The following THRB variants were observed in gnomAD, a reference collection of about 807,000 sequenced individuals.
THRB encodes thyroid hormone receptor beta, also known as nuclear receptor subfamily 1 group A member 2.
THRB carries 12 observed loss-of-function variants against 47.8 expected under a neutral mutation model. That is an observed-to-expected ratio of 0.25 (90% CI 0.16 to 0.41). The LOEUF (loss-of-function observed/expected upper bound fraction) is 0.41. Among genes scored for constraint, THRB ranks in the 10% least tolerant of loss-of-function variants. The probability of loss-of-function intolerance (pLI) is 1.00; values close to 1 mark genes in which losing one functional copy is unlikely to be tolerated. For synonymous variants in THRB, 218 were observed against 212.2 expected (o/e 1.03, Z -0.24); for missense variants, 348 against 589.2 (o/e 0.59, Z 4.24).
At chr3:24,260,642 G>A (rs749807214) in intron 3 of THRB, among the ~76,000 whole-genome samples, 1 of 152,066 alleles carries the variant, frequency 6.6e-6, no homozygotes, top group Non-Finnish European at 1.5e-5. Context: ...CGCACTAAAT[G>A]CTCTCAGGCA....
chr3:24,430,772 G>A (rs1195526156), intron 1 of THRB: 1 of 152,054 alleles, frequency 6.6e-6, no homozygotes, highest in East Asian at 1.9e-4. Flanking sequence ...CAATAATGGT[G>A]AGAAGAAGAG....
At chr3:24,423,855 G>C (rs1226151664) in intron 1 of THRB, among the ~76,000 whole-genome samples, 1 of 151,760 alleles carries the variant, frequency 6.6e-6, no homozygotes, top group Non-Finnish European at 1.5e-5. Context: ...CACCACAAAA[G>C]GTTCTCAGAG....
chr3:24,304,187 ACACT>A, intron 2 of THRB, among the ~76,000 whole-genome samples: 1 of 152,160 alleles, frequency 6.6e-6, no homozygotes. Flanking sequence ...CATATTCTAC[ACACT>A]CAATCTAATA....
At chr3:24,229,910 A>C (rs2048080107) in intron 3 of THRB, among the ~76,000 whole-genome samples, 1 of 152,212 alleles carries the variant, frequency 6.6e-6, no homozygotes, top group Admixed American at 6.5e-5. Context: ...CTGTGGGATC[A>C]GAGGAAGTAA....
Position 24,135,847 on chromosome 3 carries a change from A to ATATATATATATATATATT in THRB, c.739-2386_739-2385insAATATATATATATATATA, listed in dbSNP as rs371175625. 1.2e-3 allele frequency among the ~76,000 whole-genome samples: 154 copies of ATATATATATATATATATT among 130,948 alleles called. 1 individual carries two copies. The highest frequency in any genetic ancestry group is 4.2e-3 in the East Asian group (20 of 4,812). The allele number at this position is 130,948 out of a possible 152,430, so 85.9% of individuals were successfully genotyped here. On this transcript the variant is annotated intron_variant, in intron 8 of 10. Transcript: ENST00000646209. ...TATATATATATATATATATATATAT[A>ATATATATATATATATATT]ATACATAAATATATATTAATTACAT...
At chr3:24,442,920 C>T (rs897961981) in intron 1 of THRB, among the ~76,000 whole-genome samples, 1 of 152,026 alleles carries the variant, frequency 6.6e-6, no homozygotes, top group Non-Finnish European at 1.5e-5. Flanking sequence ...CGGTGGCTCA[C>T]GTCTATAATC....
intron 4 of THRB, among the ~76,000 whole-genome samples, chr3:24,206,243 A>G (rs2045336219): frequency 1.3e-5 from 2 of 152,224 alleles, no homozygotes; most frequent in Admixed American, 6.5e-5. Flanking sequence ...TTGACCACAT[A>G]GTTGGAAGTA....
chr3:24,297,850 T>A (rs1276879558), intron 2 of THRB, among the ~76,000 whole-genome samples: 1 of 152,218 alleles, frequency 6.6e-6, no homozygotes, highest in Non-Finnish European at 1.5e-5. Context: ...GCATTTTAAA[T>A]GCCTCAGGTG....
intron 1 of THRB, among the ~76,000 whole-genome samples, chr3:24,492,264 A>G (rs1488187115): frequency 6.6e-6 from 1 of 152,254 alleles, no homozygotes; most frequent in Non-Finnish European, 1.5e-5. Context: ...GTGCTCATGG[A>G]TTCGATATTC....
chr3:24,188,857 A>AT (rs1244601873), intron 5 of THRB, among the ~76,000 whole-genome samples: 2 of 126,258 alleles, frequency 1.6e-5, no homozygotes, highest in Non-Finnish European at 3.2e-5. Flanking sequence ...AGATCTCCTC[A>AT]AATATATATA....
In THRB at chr3:24,117,669, A is replaced by T. The variant is rs2030907774; in HGVS notation, c.*5215T>A. On this transcript the variant is annotated 3_prime_UTR_variant, in exon 11 of 11. Transcript: ENST00000646209. ...TGTTAAGTCTACATGAATGACAAAA[A>T]AAGGAGCTTCCTGAGAATACTGAGT... The T allele has an allele frequency of 6.6e-6, 1 of 152,256 alleles. No homozygotes were observed. The highest frequency in any genetic ancestry group is 2.1e-4 in the South Asian group (1 of 4,824). 9.4% of individuals were successfully genotyped at this position (152,256 alleles called of 1,614,324 possible). A position where few individuals can be genotyped will look rare whatever the true frequency, so the allele number is the denominator to read the frequency against.
intron 1 of THRB, among the ~76,000 whole-genome samples, chr3:24,366,588 AT>A (rs1159395555): frequency 3.5e-5 from 5 of 141,182 alleles, no homozygotes; most frequent in African/African-American, 1.3e-4. Flanking sequence ...TTTCAAATCC[AT>A]TTTTTTTCTG....
intron 5 of THRB, among the ~76,000 whole-genome samples, chr3:24,156,696 G>T (rs1156952799): frequency 6.6e-6 from 1 of 152,156 alleles, no homozygotes. Context: ...CTGATCTTGG[G>T]ACGGGATAGA....
In THRB at chr3:24,118,785, AGGGT is replaced by A. The variant is rs1468235998; in HGVS notation, c.*4095_*4098del. The stretch of plus-strand genomic sequence containing the variant: ...ATTTATATTTGATTGTCTTGTGCAT[AGGGT>A]GGGTCAGCTTTAACTGTGCAACAGA... On this transcript the variant is annotated 3_prime_UTR_variant, in exon 11 of 11. Coordinates refer to ENST00000646209, the MANE Select transcript of THRB (RefSeq NM_001354712.2). The A allele has an allele frequency of 1.3e-5, 2 of 152,658 alleles. No homozygotes were observed. Among genetic ancestry groups the A allele is most frequent in the African/African-American group, 4.8e-5 (2 of 41,458 alleles). 9.5% of individuals were successfully genotyped at this position (152,658 alleles called of 1,614,324 possible).
intron 1 of THRB, among the ~76,000 whole-genome samples, chr3:24,340,046 A>C (rs185856317): frequency 6.6e-6 from 1 of 152,346 alleles, no homozygotes; most frequent in East Asian, 1.9e-4. Context: ...ATCTGACCTG[A>C]GGTGAGGTTG....
At chr3:24,290,090 C>T (rs1474486671) in intron 3 of THRB, among the ~76,000 whole-genome samples, 1 of 152,058 alleles carries the variant, frequency 6.6e-6, no homozygotes, top group South Asian at 2.1e-4. Flanking sequence ...CCTCAGCCAC[C>T]CAGAGACATG....
chr3:24,258,512 T>C (rs532713049), intron 3 of THRB, among the ~76,000 whole-genome samples: 1 of 152,262 alleles, frequency 6.6e-6, no homozygotes, highest in Non-Finnish European at 1.5e-5. Context: ...GCTCTGTACT[T>C]AGTACCATAC....
At chr3:24,172,306 C>A (rs1455108430) in intron 5 of THRB, among the ~76,000 whole-genome samples, 2 of 151,836 alleles carry the variant, frequency 1.3e-5, no homozygotes, top group African/African-American at 2.4e-5. Flanking sequence ...TCTTTACCAA[C>A]GAGGAAAGCT....
chr3:24,429,809 C>T (rs369433068), intron 1 of THRB, among the ~76,000 whole-genome samples: 19 of 152,056 alleles, frequency 1.2e-4, no homozygotes, highest in African/African-American at 3.4e-4. Flanking sequence ...CCACTGTGCC[C>T]GGACTCAGAT....
Sources: allele counts gnomAD v4.1 joint callset (sites outside exome capture counted in the v4.1 genomes callset), GRCh38; gene constraint gnomAD v4.1.1; transcripts MANE v1.5; gene names NCBI Gene and HGNC (gene_info 2026-07-23, HGNC 2026-07-21).